Variants in BRCA2 observed in about 807,000 individuals in gnomAD.
BRCA2 encodes the protein breast cancer type 2 susceptibility protein.
In BRCA2, 203 loss-of-function variants were observed where a neutral mutation model predicts 276.7. That is an observed-to-expected ratio of 0.73 (90% CI 0.65 to 0.82). BRCA2 has a LOEUF of 0.82. BRCA2 is among the 40% of genes least tolerant of loss of function. The pLI, the probability that BRCA2 is intolerant of heterozygous loss-of-function variation, is 0.00. For missense variants in BRCA2, 3,920 were observed against 3,915.0 expected, an observed-to-expected ratio of 1.00 and a Z score of -0.03; for synonymous variants, 1,289 against 1,338.4, an observed-to-expected ratio of 0.96 and a Z score of 0.81.
intron 10 of BRCA2, 131 bp downstream of exon 10, chr13:32,333,518 T>C (rs1284945056): frequency 9.7e-7 from 1 of 1,030,432 alleles, no homozygotes; most frequent in East Asian, 2.6e-5. Context: ...GTATACATGA[T>C]TGTTTAGGTC....
chr13:32,358,054 A>C (rs1318368548), intron 16 of BRCA2, 125 bp downstream of exon 16: 1 of 1,003,008 alleles, frequency 1.0e-6, no homozygotes, highest in Non-Finnish European at 1.5e-6. Context: ...TAATTGTTTT[A>C]AGTGCATTAT....
intron 20 of BRCA2, among the ~76,000 whole-genome samples, chr13:32,375,142 G>A (rs148411421): frequency 1.2e-4 from 18 of 152,290 alleles, no homozygotes; most frequent in Admixed American, 7.2e-4. Context: ...AACTGCCCCC[G>A]TGATCCAGTT....
chr13:32,393,573 A>G (rs1236405568), intron 24 of BRCA2, among the ~76,000 whole-genome samples: 1 of 151,956 alleles, frequency 6.6e-6, no homozygotes, highest in African/African-American at 2.4e-5. Flanking sequence ...TTTTGACATC[A>G]CAAGATGTTC....
intron 12 of BRCA2, among the ~76,000 whole-genome samples, chr13:32,345,748 TATAAC>T (rs1339374948): frequency 6.6e-6 from 1 of 152,094 alleles, no homozygotes; most frequent in East Asian, 1.9e-4. Flanking sequence ...ACCTTATACA[TATAAC>T]TTAAATGTAA....
intron 24 of BRCA2, 32 bp from the exon 25 acceptor site, chr13:32,394,657 A>G: frequency 6.2e-7 from 1 of 1,602,074 alleles, no homozygotes; most frequent in Non-Finnish European, 8.5e-7. Flanking sequence ...ACACATCTAT[A>G]ATAACATTCT....
At chr13:32,343,288 C>A (rs1269768267) in intron 11 of BRCA2, among the ~76,000 whole-genome samples, 2 of 152,042 alleles carry the variant, frequency 1.3e-5, no homozygotes, top group African/African-American at 4.8e-5. Flanking sequence ...GCAATTAAAG[C>A]AAATGCCAAA....
rs556392709 is a variant in BRCA2, at chr13:32,399,324, AT to A, written c.*562del. ...TTTAGTTTAGCTACTATTTTAGGGG[AT>A]TTTTTTTAGAGGTAACTCACTATGA... is the stretch of plus-strand genomic sequence containing the variant. On this transcript the variant is annotated 3_prime_UTR_variant, in exon 27 of 27. Coordinates refer to ENST00000380152, the MANE Select transcript of BRCA2 (RefSeq NM_000059.4). 5.2e-5 allele frequency: 10 copies of A among 193,412 alleles called. No homozygotes were observed. The highest frequency in any genetic ancestry group is 1.9e-4 in the South Asian group (1 of 5,156). The allele number at this position is 193,412 out of a possible 1,614,324, so 12.0% of individuals were successfully genotyped here.
chr13:32,350,448 T>C (rs956270941), intron 13 of BRCA2, among the ~76,000 whole-genome samples: 3 of 152,084 alleles, frequency 2.0e-5, no homozygotes, highest in Non-Finnish European at 4.4e-5. Flanking sequence ...AAGTACACTA[T>C]TTATATACTA....
rs755777807 is a variant in BRCA2, at chr13:32,337,239, C to T, written c.2884C>T (p.His962Tyr). 2.5e-5 allele frequency: 40 copies of T among 1,611,426 alleles called. No homozygotes were observed. Among genetic ancestry groups the T allele is most frequent in the African/African-American group, 1.3e-5 (1 of 74,638 alleles). Residue 962 changes from histidine to tyrosine, a missense_variant, in exon 11 of 27, where the codon CAT (histidine) becomes TAT (tyrosine). Around this residue, in one of 2 missense-constraint regions of BRCA2, gnomAD observed 3,263 missense variants for 3,156.9 expected, o/e 1.03. Coordinates refer to ENST00000380152, the MANE Select transcript of BRCA2 (RefSeq NM_000059.4). Reference protein sequence around the residue: ...AEENKNSVKQHIKMTLGQDLK... With the variant: ...AEENKNSVKQYIKMTLGQDLK... ...GGAGAACAAAAATAGTGTAAAGCAG[C>T]ATATAAAAATGACTCTAGGTCAAGA...
intron 24 of BRCA2, among the ~76,000 whole-genome samples, chr13:32,393,625 G>A (rs1417635610): frequency 5.3e-5 from 8 of 152,056 alleles, no homozygotes; most frequent in Non-Finnish European, 1.0e-4. Context: ...CTTGGAATCA[G>A]CCATTTCTCT....
chr13:32,388,960 C>A (rs955751581), intron 24 of BRCA2, among the ~76,000 whole-genome samples: 3 of 152,136 alleles, frequency 2.0e-5, no homozygotes, highest in Non-Finnish European at 4.4e-5. Context: ...CTATTTGTTT[C>A]TCCTGCTTTT....
At chr13:32,364,708 C>T (rs1443407098) in intron 18 of BRCA2, among the ~76,000 whole-genome samples, 1 of 152,172 alleles carries the variant, frequency 6.6e-6, no homozygotes. Context: ...TGTGTCCTTA[C>T]ACAGGAGCTA....
intron 24 of BRCA2, 128 bp from the exon 25 acceptor site, chr13:32,394,561 C>T (rs2073019485): frequency 1.7e-6 from 2 of 1,202,966 alleles, no homozygotes; most frequent in African/African-American, 3.1e-5. Flanking sequence ...CCAAATTCAG[C>T]TATTTTGATT....
At chr13:32,371,125 T>C in intron 20 of BRCA2, 25 bp downstream of exon 20, 4 of 1,607,218 alleles carry the variant, frequency 2.5e-6, no homozygotes, top group Non-Finnish European at 3.4e-6. Flanking sequence ...ATGGTACACA[T>C]TGTTATTTCT....
rs80358685 is a variant in BRCA2 at position 32,338,890 on chromosome 13, G to C, written c.4535G>C (p.Arg1512Pro). 6.2e-7 allele frequency: 1 copy of C among 1,613,900 alleles called. No homozygotes were observed. Among genetic ancestry groups the C allele is most frequent in the Admixed American group, 1.7e-5 (1 of 60,024 alleles). ...GTGACCTTCCAGGGACAACCCGAAC[G>C]TGATGAAAAGATCAAAGAACCTACT... ...QLVTFQGQPERDEKIKEPTLL... is the reference protein window; with the variant it reads ...QLVTFQGQPEPDEKIKEPTLL... Residue 1512 changes from arginine (R) to proline (P), a missense_variant, in exon 11 of 27, where the codon CGT becomes CCT. Arg to Pro is a moderately radical substitution (Grantham distance 103). This residue lies in a region of BRCA2 where 3,263 missense variants were observed against 3,156.9 expected (regional missense o/e 1.03). Coordinates refer to ENST00000380152, the MANE Select transcript of BRCA2 (RefSeq NM_000059.4).
chr13:32,355,328 A>G (rs1211705113), intron 14 of BRCA2, 40 bp downstream of exon 14: 4 of 1,606,850 alleles, frequency 2.5e-6, no homozygotes, highest in Middle Eastern at 3.4e-4. Flanking sequence ...TTTGCCTTTC[A>G]GTTAGATATT....
At chr13:32,327,941 C>T in intron 7 of BRCA2, among the ~76,000 whole-genome samples, 1 of 151,828 alleles carries the variant, frequency 6.6e-6, no homozygotes, top group Middle Eastern at 3.2e-3. Context: ...TACTACCAGT[C>T]CTGGCTAATT....
chr13:32,342,351 T>C (rs1207908364), intron 11 of BRCA2, among the ~76,000 whole-genome samples: 1 of 152,124 alleles, frequency 6.6e-6, no homozygotes, highest in Non-Finnish European at 1.5e-5. Context: ...TCAGTAAGTG[T>C]TGGCTTGCTC....
chr13:32,346,483 A>G (rs2072611636), intron 12 of BRCA2, among the ~76,000 whole-genome samples: 1 of 152,106 alleles, frequency 6.6e-6, no homozygotes. Flanking sequence ...CATACTGAGA[A>G]TGAACAATAT....
Sources: gnomAD v4.1 joint callset for allele counts (sites outside exome capture counted in the v4.1 genomes callset) on GRCh38, gnomAD v4.1.1 for gene constraint, gnomAD v4.1.1 regional missense constraint, MANE v1.5 for transcripts, NCBI Gene and HGNC (gene_info 2026-07-23, HGNC 2026-07-21) for gene names.